WWOX: variants seen among roughly 807,000 people sequenced by gnomAD.
The protein encoded by WWOX is WW domain containing oxidoreductase, also known as WW domain-containing oxidoreductase.
WWOX carries 69 observed loss-of-function variants against 46.2 expected under a neutral mutation model. The observed-to-expected ratio is 1.49, with a 90% CI of 1.23 to 1.82. The LOEUF is 1.82. Among genes scored for constraint, WWOX ranks in the 40% most tolerant of loss-of-function variants. The probability of loss-of-function intolerance (pLI) is 0.00; values close to 1 mark genes in which losing one functional copy is unlikely to be tolerated. For synonymous variants in WWOX, 359 were observed against 202.6 expected (o/e 1.77, Z -6.56); for missense variants, 919 against 542.6 (o/e 1.69, Z -6.89).
chr16:78,137,868 T>C (rs2033854999), intron 4 of WWOX, among the ~76,000 whole-genome samples: 1 of 151,076 alleles, frequency 6.6e-6, no homozygotes. Flanking sequence ...ATAGAATTGA[T>C]ATATGAAAGC....
intron 8 of WWOX, among the ~76,000 whole-genome samples, chr16:78,933,689 G>A (rs909328715): frequency 1.3e-5 from 2 of 152,288 alleles, no homozygotes; most frequent in Middle Eastern, 6.8e-3. Context: ...GCAGACAAGA[G>A]AGGAGAGCTT....
intron 5 of WWOX, among the ~76,000 whole-genome samples, chr16:78,356,009 A>G (rs2081277754): frequency 7.0e-6 from 1 of 142,468 alleles, no homozygotes; most frequent in African/African-American, 2.5e-5. Context: ...TCTTAAGCTA[A>G]ATGGTATTTT....
intron 8 of WWOX, among the ~76,000 whole-genome samples, chr16:78,852,921 T>A (rs1597722707): frequency 1.3e-5 from 2 of 152,234 alleles, no homozygotes; most frequent in East Asian, 3.9e-4. Flanking sequence ...CAGGCTTCTT[T>A]CTTCTCATCA....
intron 8 of WWOX, among the ~76,000 whole-genome samples, chr16:78,472,129 G>A (rs536977661): frequency 1.2e-4 from 18 of 152,128 alleles, no homozygotes; most frequent in African/African-American, 4.3e-4. Flanking sequence ...GGTTAAAACA[G>A]GAAAAAGTAA....
chr16:78,882,637 GCTAC>G (rs1489069510), intron 8 of WWOX, among the ~76,000 whole-genome samples: 2 of 151,694 alleles, frequency 1.3e-5, no homozygotes, highest in African/African-American at 4.8e-5. Context: ...ACAGGTATGT[GCTAC>G]CGTGCCCAGC....
At chr16:78,313,883 C>G (rs751871636) in intron 5 of WWOX, among the ~76,000 whole-genome samples, 9 of 152,176 alleles carry the variant, frequency 5.9e-5, no homozygotes, top group Non-Finnish European at 1.3e-4. Context: ...AATTCATTCT[C>G]AGATTGGAAT....
intron 8 of WWOX, among the ~76,000 whole-genome samples, chr16:78,515,997 CT>C (rs1041709543): frequency 9.2e-5 from 14 of 152,106 alleles, no homozygotes; most frequent in Non-Finnish European, 1.9e-4. Flanking sequence ...CCTTGTCCCC[CT>C]TTTCTCTTCT....
intron 8 of WWOX, among the ~76,000 whole-genome samples, chr16:78,634,837 A>AGTGTGTGT (rs59374463): frequency 5.4e-5 from 6 of 111,782 alleles, no homozygotes; most frequent in African/African-American, 1.8e-4. Flanking sequence ...AGAGAGAGAG[A>AGTGTGTGT]GTGTGTGTGT....
chr16:78,230,742 C>A (rs1230548557), intron 5 of WWOX, among the ~76,000 whole-genome samples: 2 of 152,160 alleles, frequency 1.3e-5, no homozygotes, highest in South Asian at 2.1e-4. Flanking sequence ...TCACTTTGAG[C>A]AGGGGAGGCA....
chr16:79,039,852 A>T (rs1371960398), intron 8 of WWOX, among the ~76,000 whole-genome samples: 1 of 152,136 alleles, frequency 6.6e-6, no homozygotes, highest in Non-Finnish European at 1.5e-5. Flanking sequence ...CATCTCTACC[A>T]GTCAGGAGTT....
chr16:78,473,966 C>T (rs557947566), intron 8 of WWOX, among the ~76,000 whole-genome samples: 5 of 152,216 alleles, frequency 3.3e-5, no homozygotes, highest in South Asian at 2.1e-4. Flanking sequence ...AACTTCTGTT[C>T]GAAATGAATA....
rs771032461 is a variant in WWOX at position 78,109,735 on chromosome 16, A to T, written c.173-43A>T. On this transcript the variant is annotated intron_variant, in intron 2 of 8. Coordinates refer to ENST00000566780, the MANE Select transcript of WWOX (RefSeq NM_016373.4). The stretch of plus-strand genomic sequence containing the variant: ...CCTTCCTGACCCAGGGATGGTCTTT[A>T]CTTCTCCCTGGCACCTGTAGACCTG... The T allele has an allele frequency of 1.1e-5, 17 of 1,607,890 alleles. No homozygotes were observed. In the East Asian group the frequency reaches 3.8e-4, roughly 36 times the overall value.
At chr16:78,900,276 A>C (rs1269434951) in intron 8 of WWOX, among the ~76,000 whole-genome samples, 1 of 152,120 alleles carries the variant, frequency 6.6e-6, no homozygotes, top group African/African-American at 2.4e-5. Context: ...CTGAAGGGGA[A>C]AGTTTCCAGC....
chr16:78,912,208 G>C (rs1433529415), intron 8 of WWOX, among the ~76,000 whole-genome samples: 1 of 152,026 alleles, frequency 6.6e-6, no homozygotes, highest in Non-Finnish European at 1.5e-5. Flanking sequence ...TATAGGAACT[G>C]AACAAAGCCC....
intron 8 of WWOX, among the ~76,000 whole-genome samples, chr16:78,987,198 C>CA (rs1247501607): frequency 6.6e-6 from 1 of 152,204 alleles, no homozygotes; most frequent in African/African-American, 2.4e-5. Flanking sequence ...CCCTGCATCA[C>CA]AAACCAAAAG....
intron 8 of WWOX, among the ~76,000 whole-genome samples, chr16:79,087,228 A>G (rs576437194): frequency 6.7e-4 from 102 of 152,352 alleles, no homozygotes; most frequent in African/African-American, 2.4e-3. Context: ...CAAAAGTGGC[A>G]TGGATCAGTG....
chr16:78,492,863 G>C (rs567439985), intron 8 of WWOX, among the ~76,000 whole-genome samples: 3 of 152,094 alleles, frequency 2.0e-5, no homozygotes, highest in Non-Finnish European at 4.4e-5. Context: ...CTTGAGCCTG[G>C]AGACGGCAAG....
chr16:79,158,660 A>G (rs530466244), intron 8 of WWOX, among the ~76,000 whole-genome samples: 23 of 152,166 alleles, frequency 1.5e-4, no homozygotes, highest in Non-Finnish European at 2.1e-4. Context: ...CCCACCTGCT[A>G]TCCTCCCCAG....
Position 78,137,845 on chromosome 16 carries a change from A to G in WWOX, c.409+22691A>G, listed in dbSNP as rs1324735218. ...GCTCTATGTGCTGTACTTGAGCAGT[A>G]TCCATACTCTTAATAGAATTGATAT... On this transcript the variant is annotated intron_variant, in intron 4 of 8. Coordinates refer to ENST00000566780, the MANE Select transcript of WWOX (RefSeq NM_016373.4). 2.2e-5 allele frequency among the ~76,000 whole-genome samples: 3 copies of G among 137,556 alleles called. 1 individual carries two copies. The highest frequency in any genetic ancestry group is 3.3e-5 in the Non-Finnish European group (2 of 60,912). The allele number at this position is 137,556 out of a possible 152,430, so 90.2% of individuals were successfully genotyped here.
Sources: gnomAD v4.1 joint callset for allele counts (sites outside exome capture counted in the v4.1 genomes callset) on GRCh38, gnomAD v4.1.1 for gene constraint, MANE v1.5 for transcripts, NCBI Gene and HGNC (gene_info 2026-07-23, HGNC 2026-07-21) for gene names.